The following AUTS2 variants were observed in gnomAD, a reference collection of about 807,000 sequenced individuals.
The protein encoded by AUTS2 is autism susceptibility gene 2 protein.
In AUTS2, 17 loss-of-function variants were observed where a neutral mutation model predicts 112.4. The observed-to-expected ratio is 0.15, with a 90% CI of 0.10 to 0.23. The LOEUF is 0.23. AUTS2 is among the 10% of genes least tolerant of loss of function. The pLI is 1.00. For missense variants in AUTS2, 1,510 were observed against 1,701.6 expected, an observed-to-expected ratio of 0.89 and a Z score of 1.98; for synonymous variants, 751 against 702.7, an observed-to-expected ratio of 1.07 and a Z score of -1.09.
chr7:70,779,502 C>CTA (rs1563193561), intron 14 of AUTS2, among the ~76,000 whole-genome samples: 9 of 152,102 alleles, frequency 5.9e-5, no homozygotes, highest in Non-Finnish European at 1.0e-4. Flanking sequence ...TGGAGGTGCA[C>CTA]GGGTAGCTTT....
intron 1 of AUTS2, among the ~76,000 whole-genome samples, chr7:69,897,791 T>G (rs1047959128): frequency 1.3e-5 from 2 of 151,900 alleles, no homozygotes; most frequent in Non-Finnish European, 2.9e-5. Context: ...ACACAAACAT[T>G]CAGATCATAA....
At chr7:70,587,843 T>G (rs1802755216) in intron 5 of AUTS2, among the ~76,000 whole-genome samples, 1 of 152,238 alleles carries the variant, frequency 6.6e-6, no homozygotes, top group Admixed American at 6.5e-5. Context: ...ATCATCTTAC[T>G]GTATTTGCTT....
At chr7:70,764,723 T>G in intron 7 of AUTS2, 29 bp from the exon 8 acceptor site, 2 of 720,200 alleles carry the variant, frequency 2.8e-6, no homozygotes, top group South Asian at 1.5e-5. Context: ...TTTTATTTTT[T>G]TCTTTTCTTT....
intron 4 of AUTS2, among the ~76,000 whole-genome samples, chr7:70,138,568 C>G (rs923132468): frequency 3.3e-5 from 5 of 152,328 alleles, no homozygotes; most frequent in African/African-American, 9.6e-5. Context: ...TTGTATCCTG[C>G]TTTTGTAAAC....
intron 4 of AUTS2, among the ~76,000 whole-genome samples, chr7:70,262,113 G>C (rs1376311722): frequency 6.6e-6 from 1 of 152,064 alleles, no homozygotes; most frequent in Non-Finnish European, 1.5e-5. Context: ...TTTAAAAGCA[G>C]GTATTAGCAT....
At chr7:70,120,627 C>T (rs770256198) in intron 3 of AUTS2, among the ~76,000 whole-genome samples, 39 of 151,880 alleles carry the variant, frequency 2.6e-4, no homozygotes, top group East Asian at 3.9e-4. Context: ...GAGAAATGAA[C>T]GCCATGTTAG....
chr7:70,506,971 A>G (rs1268156810), intron 5 of AUTS2, among the ~76,000 whole-genome samples: 2 of 152,216 alleles, frequency 1.3e-5, no homozygotes, highest in Non-Finnish European at 2.9e-5. Context: ...CCCAGCGCAG[A>G]GAGCTCAGAA....
rs965398060 is a variant in AUTS2, at chr7:70,627,878, G to C, written c.691-70691G>C. Reference sequence around the variant, plus strand: ...TAAACGTGGTCAGGATGTCATGGGAGCTTCAAAGAAAGGAAACAGGCCCCT... The same window carrying C: ...TAAACGTGGTCAGGATGTCATGGGACCTTCAAAGAAAGGAAACAGGCCCCT... On this transcript the variant is annotated intron_variant, in intron 5 of 18. Transcript: ENST00000342771. 2.6e-5 allele frequency among the ~76,000 whole-genome samples: 4 copies of C among 152,340 alleles called. No individual in the cohort carries two copies. In the East Asian group the frequency reaches 7.7e-4, roughly 29 times the overall value.
At position 69,814,459 on chromosome 7, in the gene AUTS2, G is replaced by C. The variant is rs556610365; in HGVS notation, c.310-84827G>C. Among the ~76,000 whole-genome samples the C allele has an allele frequency of 9.2e-5, 14 of 152,326 alleles. No homozygotes were observed. In the South Asian group the frequency reaches 2.5e-3, roughly 27 times the overall value. On this transcript the variant is annotated intron_variant, in intron 1 of 18. Coordinates refer to ENST00000342771, the MANE Select transcript of AUTS2 (RefSeq NM_015570.4). ...GGAGAGAAAAGTCTGTGGCCGGCAG[G>C]GTGTCTGTGTGACGTGGACCCATTG...
Position 70,006,326 on chromosome 7 carries a change from G to A in AUTS2, c.522+106828G>A, listed in dbSNP as rs139374973. 8.5e-5 allele frequency among the ~76,000 whole-genome samples: 13 copies of A among 152,190 alleles called. No homozygotes were observed. The East Asian group carries it at 2.5e-3, about 29-fold the overall frequency. The stretch of plus-strand genomic sequence containing the variant: ...CATTGCCTTTGAGAGAAACGAGGAG[G>A]GGGGAGAAGCCTGTATTTGATAGTT... On this transcript the variant is annotated intron_variant, in intron 2 of 18. Transcript: ENST00000342771.
At chr7:70,121,708 G>C (rs551570016) in intron 3 of AUTS2, among the ~76,000 whole-genome samples, 77 of 152,228 alleles carry the variant, frequency 5.1e-4, no homozygotes, top group African/African-American at 1.7e-3. Context: ...TGGAAAAGTT[G>C]GAATATTCAT....
intron 4 of AUTS2, among the ~76,000 whole-genome samples, chr7:70,383,046 A>G (rs1033794128): frequency 1.3e-5 from 2 of 152,316 alleles, no homozygotes; most frequent in East Asian, 3.9e-4. Flanking sequence ...ATGTTGATAT[A>G]TTCTGATGCT....
At chr7:69,703,636 G>T (rs192519202) in intron 1 of AUTS2, among the ~76,000 whole-genome samples, 2 of 152,250 alleles carry the variant, frequency 1.3e-5, no homozygotes, top group Admixed American at 6.5e-5. Flanking sequence ...TCATCTGCTG[G>T]TTTGGTCAGG....
At chr7:69,602,174 T>TTAA (rs1792476093) in intron 1 of AUTS2, among the ~76,000 whole-genome samples, 1 of 151,836 alleles carries the variant, frequency 6.6e-6, no homozygotes, top group African/African-American at 2.4e-5. Context: ...ATATATCTAT[T>TTAA]TATTTGGCTT....
At chr7:69,985,247 AGAAAG>A (rs1798461105) in intron 2 of AUTS2, among the ~76,000 whole-genome samples, 6 of 148,846 alleles carry the variant, frequency 4.0e-5, no homozygotes, top group Admixed American at 6.7e-5. Context: ...AAAAAAAAAA[AGAAAG>A]GAAAAGAAAA....
intron 1 of AUTS2, among the ~76,000 whole-genome samples, chr7:69,763,382 T>C (rs1269750801): frequency 1.3e-5 from 2 of 152,218 alleles, no homozygotes; most frequent in Non-Finnish European, 2.9e-5. Flanking sequence ...AATTTACATC[T>C]GTTATAAGTG....
At chr7:69,854,444 C>T (rs1484063448) in intron 1 of AUTS2, among the ~76,000 whole-genome samples, 1 of 152,032 alleles carries the variant, frequency 6.6e-6, no homozygotes, top group Non-Finnish European at 1.5e-5. Context: ...TCTGTTGGGA[C>T]CTAGTTTGAA....
At chr7:70,667,172 T>G (rs1458262574) in intron 5 of AUTS2, among the ~76,000 whole-genome samples, 1 of 152,166 alleles carries the variant, frequency 6.6e-6, no homozygotes, top group Non-Finnish European at 1.5e-5. Flanking sequence ...CATTAAAAAT[T>G]GACAGAACAC....
chr7:69,760,918 T>C (rs184568170), intron 1 of AUTS2, among the ~76,000 whole-genome samples: 2 of 152,336 alleles, frequency 1.3e-5, no homozygotes. Context: ...CAAAACTCAA[T>C]TTACGAATCT....
Sources: gnomAD v4.1 joint callset for allele counts (sites outside exome capture counted in the v4.1 genomes callset) on GRCh38, gnomAD v4.1.1 for gene constraint, MANE v1.5 for transcripts, NCBI Gene and HGNC (gene_info 2026-07-23, HGNC 2026-07-21) for gene names.